Variants in PPP1R9A observed in about 807,000 individuals in gnomAD.
The protein encoded by PPP1R9A is neurabin-1.
In PPP1R9A, 59 loss-of-function variants were observed where a neutral mutation model predicts 141.9. That is an observed-to-expected ratio of 0.42 (90% confidence interval 0.34 to 0.52). The LOEUF is 0.52. PPP1R9A is among the 20% of genes least tolerant of loss of function. The pLI, the probability that PPP1R9A is intolerant of heterozygous loss-of-function variation, is 0.10. For missense variants in PPP1R9A, 1,444 were observed against 1,611.9 expected, an observed-to-expected ratio of 0.90 and a Z score of 1.78; for synonymous variants, 500 against 569.7, an observed-to-expected ratio of 0.88 and a Z score of 1.74.
chr7:94,929,032 A>G (rs879806572), intron 2 of PPP1R9A, among the ~76,000 whole-genome samples: 2 of 152,258 alleles, frequency 1.3e-5, no homozygotes, highest in Non-Finnish European at 2.9e-5. Context: ...AAAGATTGGT[A>G]AATGAATATA....
chr7:95,059,696 C>T (rs1451257014), intron 2 of PPP1R9A, among the ~76,000 whole-genome samples: 3 of 152,122 alleles, frequency 2.0e-5, no homozygotes, highest in African/African-American at 7.2e-5. Flanking sequence ...CTGAGTGTGA[C>T]TTTGAAGGAC....
At chr7:94,969,391 C>T (rs955789062) in intron 2 of PPP1R9A, among the ~76,000 whole-genome samples, 11 of 152,106 alleles carry the variant, frequency 7.2e-5, no homozygotes, top group Non-Finnish European at 1.5e-4. Flanking sequence ...TTCCTTCTAA[C>T]AGTCAGGCCC....
At chr7:95,019,631 A>T (rs1262765192) in intron 2 of PPP1R9A, among the ~76,000 whole-genome samples, 1 of 152,214 alleles carries the variant, frequency 6.6e-6, no homozygotes, top group Non-Finnish European at 1.5e-5. Context: ...ATACATGAAT[A>T]ATCGATAAAC....
chr7:95,187,191 A>AT (rs1166643852), intron 5 of PPP1R9A, among the ~76,000 whole-genome samples: 3 of 151,930 alleles, frequency 2.0e-5, no homozygotes, highest in African/African-American at 7.3e-5. Context: ...TTTCAATCTT[A>AT]TTACTCATTA....
chr7:95,082,502 G>A (rs1816011976), intron 2 of PPP1R9A, among the ~76,000 whole-genome samples: 1 of 151,334 alleles, frequency 6.6e-6, no homozygotes, highest in Non-Finnish European at 1.5e-5. Flanking sequence ...CACTTTGGGA[G>A]GCCAAGTCAG....
At chr7:94,934,454 G>A (rs1442767756) in intron 2 of PPP1R9A, among the ~76,000 whole-genome samples, 1 of 151,862 alleles carries the variant, frequency 6.6e-6, no homozygotes, top group Non-Finnish European at 1.5e-5. Context: ...GATCTATCCT[G>A]AGTTTTATCA....
At chr7:94,987,782 T>A (rs1801030842) in intron 2 of PPP1R9A, among the ~76,000 whole-genome samples, 1 of 152,182 alleles carries the variant, frequency 6.6e-6, no homozygotes, top group South Asian at 2.1e-4. Flanking sequence ...TTTAGAATAG[T>A]TGTTAGCTTA....
At chr7:94,946,943 G>A (rs1795955640) in intron 2 of PPP1R9A, among the ~76,000 whole-genome samples, 1 of 152,022 alleles carries the variant, frequency 6.6e-6, no homozygotes, top group African/African-American at 2.4e-5. Context: ...AGAGAACTGT[G>A]TTTATATCTT....
chr7:95,262,140 T>C (rs1431443258), intron 12 of PPP1R9A, among the ~76,000 whole-genome samples: 1 of 152,164 alleles, frequency 6.6e-6, no homozygotes, highest in African/African-American at 2.4e-5. Context: ...TAGGCAACCC[T>C]GAGTGAAAAC....
chr7:94,928,700 A>G (rs116760653), intron 2 of PPP1R9A, among the ~76,000 whole-genome samples: 2,057 of 152,286 alleles, frequency 0.014, 53 homozygotes, highest in African/African-American at 0.047. Flanking sequence ...ATTCAGTACT[A>G]TGTAAATTGA....
intron 4 of PPP1R9A, among the ~76,000 whole-genome samples, chr7:95,158,203 ACT>A (rs1829930359): frequency 6.6e-6 from 1 of 152,154 alleles, no homozygotes; most frequent in Non-Finnish European, 1.5e-5. Context: ...GCACTACTTA[ACT>A]CTGGGGGGGA....
intron 9 of PPP1R9A, among the ~76,000 whole-genome samples, chr7:95,249,724 A>G (rs111467437): frequency 2.6e-5 from 4 of 152,276 alleles, no homozygotes; most frequent in African/African-American, 9.6e-5. Context: ...AAACTCTGAA[A>G]CATCTTTTAC....
chr7:95,239,517 G>A (rs1364342448), intron 8 of PPP1R9A, among the ~76,000 whole-genome samples: 1 of 152,050 alleles, frequency 6.6e-6, no homozygotes, highest in East Asian at 1.9e-4. Flanking sequence ...TGGTGATTGT[G>A]CCATTGCACC....
At chr7:95,056,919 A>G (rs1395557355) in intron 2 of PPP1R9A, among the ~76,000 whole-genome samples, 2 of 152,104 alleles carry the variant, frequency 1.3e-5, no homozygotes, top group African/African-American at 2.4e-5. Flanking sequence ...TATCAGACAC[A>G]CCTTCACTAA....
intron 2 of PPP1R9A, among the ~76,000 whole-genome samples, chr7:94,932,646 G>A (rs565257770): frequency 1.3e-5 from 2 of 152,142 alleles, no homozygotes; most frequent in South Asian, 2.1e-4. Context: ...TCAACATCAC[G>A]ACAGTTCATG....
Position 94,966,573 on chromosome 7 carries a change from C to T in PPP1R9A, c.1395+55065C>T, listed in dbSNP as rs184549512. Among the ~76,000 whole-genome samples the T allele has an allele frequency of 4.2e-3, 638 of 152,248 alleles. 4 individuals are homozygous for T. The highest frequency in any genetic ancestry group is 0.015 in the African/African-American group (622 of 41,548). On this transcript the variant is annotated intron_variant, in intron 2 of 19. Transcript: ENST00000433360. ...CCTTTTCTGCATCTATTGAGATAATCATGTGGTTTTTGTCATTGGTTCTGT... is the reference window on the plus strand; with the variant it reads ...CCTTTTCTGCATCTATTGAGATAATTATGTGGTTTTTGTCATTGGTTCTGT...
At chr7:95,254,880 C>T (rs1585483193) in intron 12 of PPP1R9A, among the ~76,000 whole-genome samples, 1 of 152,008 alleles carries the variant, frequency 6.6e-6, no homozygotes. Context: ...TACGTTTGAC[C>T]ACCATTTGTA....
At chr7:95,020,448 TTTG>T (rs771962182) in intron 2 of PPP1R9A, among the ~76,000 whole-genome samples, 9 of 152,154 alleles carry the variant, frequency 5.9e-5, no homozygotes, top group African/African-American at 9.7e-5. Context: ...GAGCTACATT[TTTG>T]TTGTTATTTA....
intron 4 of PPP1R9A, among the ~76,000 whole-genome samples, chr7:95,137,227 C>A (rs1825815763): frequency 1.6e-5 from 2 of 128,926 alleles, no homozygotes; most frequent in Non-Finnish European, 3.3e-5. Context: ...AATGCTATCC[C>A]TCCCCCCTCC....
Sources: allele counts gnomAD v4.1 joint callset (sites outside exome capture counted in the v4.1 genomes callset), GRCh38; gene constraint gnomAD v4.1.1; transcripts MANE v1.5; gene names NCBI Gene and HGNC (gene_info 2026-07-23, HGNC 2026-07-21).